Variants in KCNK9 observed in about 807,000 individuals in gnomAD.
KCNK9 encodes the protein potassium channel subfamily K member 9.
A neutral mutation model predicts 10.8 loss-of-function variants in KCNK9; 1 was observed. The observed-to-expected ratio is 0.09, with a 90% CI of 0.03 to 0.44. The LOEUF (loss-of-function observed/expected upper bound fraction) is 0.44. Among genes scored for constraint, KCNK9 ranks in the 20% least tolerant of loss-of-function variants. The probability of loss-of-function intolerance (pLI) is 0.97; values close to 1 mark genes in which losing one functional copy is unlikely to be tolerated. For missense variants in KCNK9, 303 were observed against 515.0 expected (o/e 0.59, Z 3.98); for synonymous variants, 231 against 222.7 (o/e 1.04, Z -0.33).
intron 1 of KCNK9, among the ~76,000 whole-genome samples, chr8:139,674,227 G>A (rs1298346983): frequency 7.2e-5 from 11 of 152,154 alleles, no homozygotes; most frequent in Admixed American, 7.2e-4. Flanking sequence ...ATGGGCTGAG[G>A]GCCCTCATAG....
chr8:139,688,260 G>A (rs1027020447), intron 1 of KCNK9, among the ~76,000 whole-genome samples: 1 of 152,186 alleles, frequency 6.6e-6, no homozygotes, highest in Non-Finnish European at 1.5e-5. Flanking sequence ...CTTCATGACT[G>A]TCTTAATCCG....
chr8:139,603,202 A>G (rs143055126), intron 2 of KCNK9, among the ~76,000 whole-genome samples: 35 of 152,316 alleles, frequency 2.3e-4, no homozygotes, highest in Admixed American at 5.2e-4. Flanking sequence ...ACAGTGATGA[A>G]GACTCCCTGG....
chr8:139,636,092 C>T (rs1461507507), intron 1 of KCNK9, among the ~76,000 whole-genome samples: 1 of 152,166 alleles, frequency 6.6e-6, no homozygotes, highest in Non-Finnish European at 1.5e-5. Flanking sequence ...AGACCAGAAA[C>T]CAATATGGTG....
chr8:139,690,053 C>A (rs1477733392), intron 1 of KCNK9, among the ~76,000 whole-genome samples: 1 of 152,294 alleles, frequency 6.6e-6, no homozygotes, highest in South Asian at 2.1e-4. Flanking sequence ...AGACTGTGAA[C>A]AGTAATAGAT....
downstream of KCNK9, chr8:139,617,070 A>G (rs572551976): frequency 3.3e-5 from 5 of 152,330 alleles, no homozygotes; most frequent in African/African-American, 1.2e-4. Flanking sequence ...TCTTCCTGAG[A>G]CCAATGTGAA....
chr8:139,641,478 A>G (rs1201449647), intron 1 of KCNK9, among the ~76,000 whole-genome samples: 5 of 152,148 alleles, frequency 3.3e-5, no homozygotes, highest in African/African-American at 1.2e-4. Flanking sequence ...GCCCCCTGAA[A>G]TGGGCATCAT....
At chr8:139,638,255 T>C (rs1432586111) in intron 1 of KCNK9, among the ~76,000 whole-genome samples, 1 of 152,072 alleles carries the variant, frequency 6.6e-6, no homozygotes, top group Non-Finnish European at 1.5e-5. Context: ...TACGTCCCCG[T>C]TTATTTCATA....
At position 139,703,038 on chromosome 8, in the gene KCNK9, A is replaced by G. The variant is rs1484383137; in HGVS notation, c.-46T>C. 33 of 1,530,282 alleles carry G rather than the reference A, an allele frequency of 2.2e-5. No homozygotes were observed. Among genetic ancestry groups the G allele is most frequent in the Non-Finnish European group, 2.9e-5 (33 of 1,142,778 alleles). 94.8% of individuals were successfully genotyped at this position (1,530,282 alleles called of 1,614,324 possible). A position where few individuals can be genotyped will look rare whatever the true frequency, so the allele number is the denominator to read the frequency against. On this transcript the variant is annotated 5_prime_UTR_variant, in exon 1 of 2. Coordinates refer to ENST00000520439, the MANE Select transcript of KCNK9 (RefSeq NM_001282534.2). This position sits in a 1 kb window ranked among gnomAD's most constrained non-coding sequence, Gnocchi z 6.4. ...CGCGGGGGGCATGTCCCGCAGGCTC[A>G]CAGCCGCGCGCGTCCCACTGCAGCG... is the stretch of plus-strand genomic sequence containing the variant.
intron 2 of KCNK9, chr8:139,602,092 GGGTCTCACACAGTTCA>G (rs1466059529): frequency 6.6e-6 from 1 of 152,346 alleles, no homozygotes; most frequent in Admixed American, 6.5e-5. Context: ...AAGTCCTGGA[GGGTCTCACACAGTTCA>G]GGTTGCAGCC....
Position 139,618,145 on chromosome 8 carries a change from GTAA to G in KCNK9, c.*110_*112del, listed in dbSNP as rs1814657109. ...ACCAAGAAAGGAGGAAGGAGAGAAAGTAATAATGATGACAATAATAATAATAAA... is the reference window on the plus strand; with the variant it reads ...ACCAAGAAAGGAGGAAGGAGAGAAAGTAATGATGACAATAATAATAATAAA... On this transcript the variant is annotated 3_prime_UTR_variant, in exon 2 of 2. Coordinates refer to ENST00000520439, the MANE Select transcript of KCNK9 (RefSeq NM_001282534.2). This position sits in a 1 kb window ranked among gnomAD's most constrained non-coding sequence, Gnocchi z 7.9. 1.4e-6 allele frequency: 2 copies of G among 1,401,434 alleles called. No individual in the cohort carries two copies. Among genetic ancestry groups the G allele is most frequent in the Non-Finnish European group, 2.0e-6 (2 of 1,014,570 alleles). 86.8% of individuals were successfully genotyped at this position (1,401,434 alleles called of 1,614,324 possible).
intron 1 of KCNK9, among the ~76,000 whole-genome samples, chr8:139,633,835 A>C (rs1463121775): frequency 6.6e-6 from 1 of 152,200 alleles, no homozygotes; most frequent in Non-Finnish European, 1.5e-5. Flanking sequence ...GAGCGTGAAG[A>C]CGACGACACA....
intron 2 of KCNK9, among the ~76,000 whole-genome samples, chr8:139,603,655 C>T (rs978213641): frequency 6.6e-6 from 1 of 152,184 alleles, no homozygotes; most frequent in Non-Finnish European, 1.5e-5. Flanking sequence ...ATGTGGTTTA[C>T]AGGCAGGAAG....
intron 1 of KCNK9, among the ~76,000 whole-genome samples, chr8:139,645,348 G>A (rs747164322): frequency 3.9e-5 from 6 of 152,170 alleles, no homozygotes; most frequent in Non-Finnish European, 7.4e-5. Context: ...AGTTCTAGAC[G>A]GCAGAGGCTG....
Position 139,618,620 on chromosome 8 carries a change from G to A in KCNK9, c.763C>T (p.Arg255Trp), listed in dbSNP as rs753634595. The A allele has an allele frequency of 1.9e-6, 3 of 1,613,996 alleles. No individual in the cohort carries two copies. The highest frequency in any genetic ancestry group is 1.3e-5 in the African/African-American group (1 of 74,924). ...RFLTMNSEDE[R>W]RDAEERASLA... ...GATGCCCTCTCTTCAGCATCCCGCC[G>A]CTCATCCTCACTGTTCATGGTCAAG... Residue 255 changes from arginine to tryptophan, a missense_variant, in exon 2 of 2, where the codon CGG becomes TGG. Around this residue, in one of 5 missense-constraint regions of KCNK9, gnomAD observed 53 missense variants for 134.9 expected, o/e 0.39. Coordinates refer to ENST00000520439, the MANE Select transcript of KCNK9 (RefSeq NM_001282534.2). The surrounding 1 kb of genome is among the most constrained non-coding windows in gnomAD (Gnocchi z 7.9).
At chr8:139,630,257 C>T (rs1261855374) in intron 1 of KCNK9, among the ~76,000 whole-genome samples, 1 of 152,152 alleles carries the variant, frequency 6.6e-6, no homozygotes, top group African/African-American at 2.4e-5. Flanking sequence ...TGCTTCTAAG[C>T]TTTAAAACTC....
At position 139,678,376 on chromosome 8, in the gene KCNK9, G is replaced by T. The variant is rs1816610988; in HGVS notation, c.283+24334C>A. On this transcript the variant is annotated intron_variant, in intron 1 of 1. Transcript: ENST00000520439. ...AGCCCTGAGGTCACTGTCCCTCTAG[G>T]ACCACAGCCCCGTGTCCACCCTAGG... Among the ~76,000 whole-genome samples the T allele has an allele frequency of 2.0e-5, 3 of 152,144 alleles. No homozygotes were observed. In the South Asian group the frequency reaches 6.2e-4, roughly 32 times the overall value.
At chr8:139,626,128 T>C (rs1429137217) in intron 1 of KCNK9, among the ~76,000 whole-genome samples, 1 of 152,036 alleles carries the variant, frequency 6.6e-6, no homozygotes, top group African/African-American at 2.4e-5. Context: ...AAAAGGCAAA[T>C]AGGGCAGCCT....
downstream of KCNK9, chr8:139,616,356 A>C (rs1016825675): frequency 6.6e-6 from 1 of 152,230 alleles, no homozygotes; most frequent in Non-Finnish European, 1.5e-5. Context: ...CCATTAAACA[A>C]AATCTTAAAA....
intron 1 of KCNK9, among the ~76,000 whole-genome samples, chr8:139,659,599 C>T (rs774322718): frequency 7.4e-4 from 113 of 152,270 alleles, no homozygotes; most frequent in Non-Finnish European, 1.5e-3. Context: ...GCAAGCTCCA[C>T]CCCCCAGGTT....
Sources: gnomAD v4.1 joint callset for allele counts (sites outside exome capture counted in the v4.1 genomes callset) on GRCh38, gnomAD v4.1.1 for gene constraint, gnomAD v4.1.1 regional missense constraint, Gnocchi (gnomAD v3.1) non-coding constraint, MANE v1.5 for transcripts, NCBI Gene and HGNC (gene_info 2026-07-23, HGNC 2026-07-21) for gene names.